GSE1: variants seen among roughly 807,000 people sequenced by gnomAD.
GSE1 encodes genetic suppressor element 1.
A neutral mutation model predicts 112.6 loss-of-function variants in GSE1; 32 were observed. The ratio of observed to expected loss-of-function variants is 0.28; its 90% CI spans 0.21 to 0.38. The LOEUF (loss-of-function observed/expected upper bound fraction) is 0.38. Ranked by LOEUF, GSE1 falls within the 10% of genes least tolerant of loss-of-function variation. The pLI, the probability that GSE1 is intolerant of heterozygous loss-of-function variation, is 1.00. For missense variants in GSE1, 2,348 were observed against 1,699.2 expected (o/e 1.38, Z -6.71); for synonymous variants, 1,115 against 735.6 (o/e 1.52, Z -8.35).
intron 1 of GSE1, among the ~76,000 whole-genome samples, chr16:85,257,590 C>T (rs1424533777): frequency 1.3e-5 from 2 of 152,164 alleles, no homozygotes; most frequent in African/African-American, 4.8e-5. Context: ...TTATAAACTG[C>T]CTTTATTGCA....
chr16:85,635,547 G>A (rs2049924975), intron 2 of GSE1, among the ~76,000 whole-genome samples: 1 of 152,198 alleles, frequency 6.6e-6, no homozygotes, highest in Non-Finnish European at 1.5e-5. Flanking sequence ...ACAGACCCTG[G>A]GAGGAAGCTG....
intron 1 of GSE1, among the ~76,000 whole-genome samples, chr16:85,233,904 C>T (rs1259548847): frequency 6.6e-6 from 1 of 152,038 alleles, no homozygotes; most frequent in Admixed American, 6.5e-5. Flanking sequence ...GGCCCTCCTA[C>T]CCCTGCCCCC....
At chr16:85,468,652 C>T (rs2050194692) in intron 2 of GSE1, among the ~76,000 whole-genome samples, 1 of 152,050 alleles carries the variant, frequency 6.6e-6, no homozygotes, top group African/African-American at 2.4e-5. Flanking sequence ...CTGTGCCACC[C>T]AGAGATGTCA....
intron 2 of GSE1, among the ~76,000 whole-genome samples, chr16:85,523,582 C>T (rs1259578686): frequency 6.6e-6 from 1 of 152,170 alleles, no homozygotes; most frequent in Non-Finnish European, 1.5e-5. Flanking sequence ...GCCTCCCACT[C>T]CACTCCTGGC....
At chr16:85,372,394 A>G (rs35381113) in intron 2 of GSE1, among the ~76,000 whole-genome samples, 2 of 147,398 alleles carry the variant, frequency 1.4e-5, no homozygotes, top group South Asian at 2.1e-4. Context: ...TGGGAGGCTC[A>G]CCTTAGCCTG....
At chr16:85,305,587 TCTC>T (rs1280772364) in intron 1 of GSE1, among the ~76,000 whole-genome samples, 1 of 152,082 alleles carries the variant, frequency 6.6e-6, no homozygotes, top group Non-Finnish European at 1.5e-5. Flanking sequence ...TTCGAGCAAT[TCTC>T]CTGCCTCAGC....
At chr16:85,587,809 G>A (rs528276988) in intron 1 of GSE1, among the ~76,000 whole-genome samples, 27 of 152,234 alleles carry the variant, frequency 1.8e-4, no homozygotes, top group African/African-American at 5.5e-4. Context: ...GCTGTTCCTC[G>A]CCCTACCCCC....
Position 85,538,272 on chromosome 16 carries a change from C to G in GSE1, c.2465-95642C>G, listed in dbSNP as rs187479133. ...TGCCCTTTGCTTTCAGCCAGGACTG[C>G]TGAGCCCTGCAAAAGGCAAATCGCT... is the stretch of plus-strand genomic sequence containing the variant. On this transcript the variant is annotated intron_variant, in intron 2 of 2. Coordinates refer to the GSE1 transcript ENST00000637419. Among the ~76,000 whole-genome samples the G allele has an allele frequency of 2.6e-3, 391 of 152,380 alleles. 2 individuals are homozygous for G. The highest frequency in any genetic ancestry group is 0.01 in the Middle Eastern group (3 of 294).
At chr16:85,596,054 G>A (rs957931263) in intron 1 of GSE1, among the ~76,000 whole-genome samples, 5 of 147,226 alleles carry the variant, frequency 3.4e-5, no homozygotes, top group Non-Finnish European at 6.0e-5. Context: ...CCATTCCTCC[G>A]TCCACCCCTG....
chr16:85,247,991 C>T (rs2144000646), intron 1 of GSE1, among the ~76,000 whole-genome samples: 1 of 152,368 alleles, frequency 6.6e-6, no homozygotes, highest in South Asian at 2.1e-4. Flanking sequence ...TGCTGTTGGG[C>T]TCAGGACAGC....
intron 1 of GSE1, among the ~76,000 whole-genome samples, chr16:85,349,685 C>A (rs2046814069): frequency 6.6e-6 from 1 of 152,140 alleles, no homozygotes; most frequent in African/African-American, 2.4e-5. Context: ...TTGATTTTTC[C>A]TCGGGGCGAA....
chr16:85,656,920 C>T (rs186540992), intron 7 of GSE1, among the ~76,000 whole-genome samples: 2 of 152,216 alleles, frequency 1.3e-5, no homozygotes, highest in African/African-American at 4.8e-5. Flanking sequence ...GTTTTGAGTG[C>T]TTCGTTGATT....
intron 2 of GSE1, among the ~76,000 whole-genome samples, chr16:85,455,697 G>A (rs1484967578): frequency 1.3e-5 from 2 of 152,250 alleles, no homozygotes; most frequent in Non-Finnish European, 2.9e-5. Context: ...TCCCCCGCAC[G>A]AGACTTCAGG....
intron 1 of GSE1, among the ~76,000 whole-genome samples, chr16:85,246,500 ACC>A (rs745863746): frequency 0.056 from 1,030 of 18,524 alleles, 162 homozygotes; most frequent in African/African-American, 0.14. Flanking sequence ...CACTCTACAC[ACC>A]CCCCCCCCCC....
At chr16:85,376,853 T>C (rs568016612) in intron 2 of GSE1, among the ~76,000 whole-genome samples, 33 of 152,182 alleles carry the variant, frequency 2.2e-4, no homozygotes, top group Non-Finnish European at 4.4e-4. Context: ...AAAGAGGCTG[T>C]GTCCGTGGTG....
intron 1 of GSE1, among the ~76,000 whole-genome samples, chr16:85,305,236 A>C (rs1201226211): frequency 2.0e-5 from 3 of 152,328 alleles, no homozygotes; most frequent in East Asian, 3.9e-4. Context: ...GCCTCGTTCC[A>C]GTCCGCGAAG....
chr16:85,501,569 A>T (rs898935659), intron 2 of GSE1, among the ~76,000 whole-genome samples: 3 of 150,960 alleles, frequency 2.0e-5, no homozygotes, highest in Admixed American at 6.6e-5. Context: ...TTTTTTAAAA[A>T]TTTTTTGCAG....
intron 1 of GSE1, among the ~76,000 whole-genome samples, chr16:85,343,100 T>A (rs901398624): frequency 6.6e-6 from 1 of 152,012 alleles, no homozygotes; most frequent in Non-Finnish European, 1.5e-5. Context: ...TTCTTGATCC[T>A]GTTAAACCCA....
At chr16:85,410,928 A>C (rs2048513602) in intron 2 of GSE1, among the ~76,000 whole-genome samples, 1 of 91,160 alleles carries the variant, frequency 1.1e-5, no homozygotes. Flanking sequence ...CCCCTGGATA[A>C]TCCTCACTGT....
Sources: allele counts gnomAD v4.1 joint callset (sites outside exome capture counted in the v4.1 genomes callset), GRCh38; gene constraint gnomAD v4.1.1; transcripts MANE v1.5; gene names NCBI Gene and HGNC (gene_info 2026-07-23, HGNC 2026-07-21).